Variants in ATAD1 observed in about 807,000 individuals in gnomAD.
ATAD1 encodes ATPase family AAA domain containing 1.
ATAD1 carries 18 observed loss-of-function variants against 42.7 expected under a neutral mutation model. That is an observed-to-expected ratio of 0.42 (90% confidence interval 0.29 to 0.63). The LOEUF is 0.63. ATAD1 is among the 20% of genes least tolerant of loss of function. The pLI is 0.19. For missense variants in ATAD1, 294 were observed against 440.4 expected, an observed-to-expected ratio of 0.67 and a Z score of 2.98; for synonymous variants, 132 against 143.1, an observed-to-expected ratio of 0.92 and a Z score of 0.55.
At chr10:87,755,987 A>G (rs1247952820) in intron 9 of ATAD1, among the ~76,000 whole-genome samples, 1 of 152,246 alleles carries the variant, frequency 6.6e-6, no homozygotes, top group African/African-American at 2.4e-5. Context: ...TACAGCTACC[A>G]GTTGACAGAG....
In ATAD1 at chr10:87,754,493, C is replaced by A; in HGVS notation, c.*194G>T. The A allele has an allele frequency of 7.8e-6, 4 of 515,614 alleles. No homozygotes were observed. The highest frequency in any genetic ancestry group is 1.2e-5 in the Non-Finnish European group (4 of 327,780). 31.9% of individuals were successfully genotyped at this position (515,614 alleles called of 1,614,324 possible). Reference sequence around the variant, plus strand: ...ACGTTCAGGCTGGATTCAACTGTTCCTCCTCATGATTTTTGACCAACAGTA... The same window carrying A: ...ACGTTCAGGCTGGATTCAACTGTTCATCCTCATGATTTTTGACCAACAGTA... On this transcript the variant is annotated 3_prime_UTR_variant, in exon 10 of 10. Transcript: ENST00000680024.
chr10:87,825,596 A>G (rs1160792640), intron 1 of ATAD1, among the ~76,000 whole-genome samples: 1 of 152,170 alleles, frequency 6.6e-6, no homozygotes, highest in Non-Finnish European at 1.5e-5. Flanking sequence ...GGCATGAGCC[A>G]CCGTGCCCAG....
At chr10:87,820,310 T>C (rs1857608414), upstream of ATAD1, among the ~76,000 whole-genome samples, 1 of 152,044 alleles carries the variant, frequency 6.6e-6, no homozygotes, top group South Asian at 2.1e-4. Context: ...GTAAGGAAAA[T>C]GAGCTGAGAA....
chr10:87,833,533 T>C (rs926998170), intron 1 of ATAD1, among the ~76,000 whole-genome samples: 2 of 152,204 alleles, frequency 1.3e-5, no homozygotes, highest in African/African-American at 2.4e-5. Flanking sequence ...AAGACATTCT[T>C]ACCTTGTTCC....
chr10:87,773,063 T>C (rs1564747413), intron 6 of ATAD1, among the ~76,000 whole-genome samples: 2 of 152,164 alleles, frequency 1.3e-5, no homozygotes. Flanking sequence ...GATACTAGGC[T>C]TAATACCTGG....
intron 2 of ATAD1, among the ~76,000 whole-genome samples, chr10:87,797,454 CA>C (rs1457461954): frequency 6.7e-6 from 1 of 150,254 alleles, no homozygotes. Context: ...TCTGTAGTAC[CA>C]AAAAATCTAG....
At chr10:87,787,710 C>CT (rs1298801202) in intron 4 of ATAD1, among the ~76,000 whole-genome samples, 3 of 152,112 alleles carry the variant, frequency 2.0e-5, no homozygotes, top group Admixed American at 6.5e-5. Context: ...GACTATTTTT[C>CT]TTTTTTGGAC....
At chr10:87,759,964 T>C (rs370875464) in intron 8 of ATAD1, among the ~76,000 whole-genome samples, 2 of 152,186 alleles carry the variant, frequency 1.3e-5, no homozygotes, top group African/African-American at 2.4e-5. Context: ...TAGGCAACTC[T>C]GAAGGCAATT....
At chr10:87,783,120 T>C (rs769095640) in intron 5 of ATAD1, among the ~76,000 whole-genome samples, 9 of 152,230 alleles carry the variant, frequency 5.9e-5, no homozygotes, top group Non-Finnish European at 1.2e-4. Context: ...TGGACACACC[T>C]GTAATCGCAA....
chr10:87,838,461 C>CAAAA lies in ATAD1; in HGVS notation c.-14+2722_-14+2725dup, dbSNP rs770282016. 1.4e-3 allele frequency among the ~76,000 whole-genome samples: 61 copies of CAAAA among 42,638 alleles called. 3 individuals are homozygous for CAAAA. Among genetic ancestry groups the CAAAA allele is most frequent in the African/African-American group, 5.1e-3 (58 of 11,292 alleles). 28.0% of individuals were successfully genotyped at this position (42,638 alleles called of 152,430 possible). On this transcript the variant is annotated intron_variant, in intron 1 of 4. Coordinates refer to the ATAD1 transcript ENST00000495903. Reference sequence around the variant, plus strand: ...TGGGTGACAGAGTGAGACTCTATCTCAAAAAAAAAAAAAAAAAAAAAAAAA... The same window carrying CAAAA: ...TGGGTGACAGAGTGAGACTCTATCTCAAAAAAAAAAAAAAAAAAAAAAAAAAAAA...
chr10:87,769,602 C>T (rs1854931581), intron 7 of ATAD1, among the ~76,000 whole-genome samples: 1 of 152,194 alleles, frequency 6.6e-6, no homozygotes, highest in Non-Finnish European at 1.5e-5. Context: ...AGGCCCATGT[C>T]CCATCCACCA....
intron 2 of ATAD1, among the ~76,000 whole-genome samples, chr10:87,810,628 T>A (rs1333587974): frequency 6.6e-6 from 1 of 152,200 alleles, no homozygotes; most frequent in Non-Finnish European, 1.5e-5. Flanking sequence ...GCCTTACAAT[T>A]TCTTTTTGCC....
At chr10:87,795,761 G>A (rs1251569438) in intron 2 of ATAD1, among the ~76,000 whole-genome samples, 1 of 151,942 alleles carries the variant, frequency 6.6e-6, no homozygotes, top group East Asian at 1.9e-4. Context: ...GCAGAAATGG[G>A]GACAAGCAGC....
At chr10:87,760,117 T>C (rs1328300382) in intron 8 of ATAD1, among the ~76,000 whole-genome samples, 1 of 152,184 alleles carries the variant, frequency 6.6e-6, no homozygotes, top group East Asian at 1.9e-4. Flanking sequence ...AAATAACATC[T>C]ATGTACTCTA....
intron 4 of ATAD1, among the ~76,000 whole-genome samples, chr10:87,786,942 G>A (rs961084196): frequency 2.0e-5 from 3 of 151,492 alleles, no homozygotes; most frequent in East Asian, 1.9e-4. Flanking sequence ...GCAACAGGGC[G>A]AGACTCCGTC....
At position 87,814,431 on chromosome 10, in the gene ATAD1, A is replaced by G. The variant is rs756287854; in HGVS notation, c.162+7T>C. ...AGAAAAATGATCTTCAAACATTTCAATCATACCTGTTTCTGAGCTTCTACT... is the reference window on the plus strand; with the variant it reads ...AGAAAAATGATCTTCAAACATTTCAGTCATACCTGTTTCTGAGCTTCTACT... On this transcript the variant is annotated splice_region_variant and intron_variant, in intron 2 of 9. Transcript: ENST00000680024. 16 of 1,577,112 alleles carry G rather than the reference A, an allele frequency of 1.0e-5. No individual in the cohort carries two copies. Among genetic ancestry groups the G allele is most frequent in the Non-Finnish European group, 1.4e-5 (16 of 1,163,394 alleles).
intron 2 of ATAD1, among the ~76,000 whole-genome samples, chr10:87,804,879 C>T (rs906664072): frequency 6.6e-6 from 1 of 152,128 alleles, no homozygotes; most frequent in Admixed American, 6.5e-5. Flanking sequence ...AAATCCCAGT[C>T]CCTGTACAAC....
intron 7 of ATAD1, among the ~76,000 whole-genome samples, chr10:87,767,971 C>T (rs1241685956): frequency 6.6e-6 from 1 of 152,082 alleles, no homozygotes; most frequent in Non-Finnish European, 1.5e-5. Context: ...AATAACACAC[C>T]TTTAATCTTT....
chr10:87,810,022 G>T, intron 2 of ATAD1, among the ~76,000 whole-genome samples: 2 of 151,456 alleles, frequency 1.3e-5, no homozygotes, highest in African/African-American at 2.4e-5. Context: ...TTTTCTTGTC[G>T]GTTTGAAAAG....
Sources: gnomAD v4.1 joint callset for allele counts (sites outside exome capture counted in the v4.1 genomes callset) on GRCh38, gnomAD v4.1.1 for gene constraint, MANE v1.5 for transcripts, NCBI Gene and HGNC (gene_info 2026-07-23, HGNC 2026-07-21) for gene names.